The following FBXL2 variants were observed in gnomAD, a reference collection of about 807,000 sequenced individuals.
FBXL2 encodes the protein F-box/LRR-repeat protein 2.
A neutral mutation model predicts 69.2 loss-of-function variants in FBXL2; 38 were observed. The observed-to-expected ratio is 0.55, with a 90% CI of 0.42 to 0.72. FBXL2 has a LOEUF of 0.72. FBXL2 is among the 30% of genes least tolerant of loss of function. The pLI is 0.00. For synonymous variants in FBXL2, 192 were observed against 201.3 expected (o/e 0.95, Z 0.39); for missense variants, 354 against 520.3 (o/e 0.68, Z 3.11).
chr3:33,322,579 T>C (rs2038328697), intron 2 of FBXL2, among the ~76,000 whole-genome samples: 2 of 152,184 alleles, frequency 1.3e-5, no homozygotes, highest in South Asian at 4.1e-4. Context: ...CATGTACCAT[T>C]TTTATAAAGT....
chr3:33,409,233 T>C, the FBXL2 span: 1 of 1,613,604 alleles, frequency 6.2e-7, no homozygotes, highest in Non-Finnish European at 8.5e-7. Context: ...TTTACTACAT[T>C]ACCTCTGTGA....
downstream of FBXL2, chr3:33,390,429 T>C (rs1281555503): frequency 2.5e-5 from 39 of 1,585,812 alleles, no homozygotes; most frequent in Admixed American, 3.4e-5. Context: ...GCCTATTAAA[T>C]GGAAAACTCC....
At chr3:33,410,357 A>C in the FBXL2 span, among the ~76,000 whole-genome samples, 2 of 152,194 alleles carry the variant, frequency 1.3e-5, no homozygotes, top group Non-Finnish European at 2.9e-5. Flanking sequence ...ATGACAACAC[A>C]ACCTGATATG....
chr3:33,401,196 C>T (rs775696983), intron 12 of FBXL2, among the ~76,000 whole-genome samples: 8 of 152,054 alleles, frequency 5.3e-5, no homozygotes, highest in East Asian at 1.9e-4. Context: ...GACATGATGA[C>T]GAAATTAAGA....
At position 33,364,337 on chromosome 3, in the gene FBXL2, G is replaced by T. The variant is rs1010888729; in HGVS notation, c.196-288G>T. The T allele has an allele frequency of 3.7e-5, 15 of 404,218 alleles. No individual in the cohort carries two copies. The Admixed American group carries it at 5.5e-4, about 15-fold the overall frequency. 25.0% of individuals were successfully genotyped at this position (404,218 alleles called of 1,614,324 possible). ...CCTGGGTAGGGAGGGCCTAACCCCA[G>T]GGCTAAGGCTTTCAAAAGGCAGTGT... On this transcript the variant is annotated intron_variant, in intron 4 of 14. Coordinates refer to ENST00000484457, the MANE Select transcript of FBXL2 (RefSeq NM_012157.5).
At chr3:33,281,270 C>T (rs1575577851) in intron 1 of FBXL2, among the ~76,000 whole-genome samples, 1 of 152,114 alleles carries the variant, frequency 6.6e-6, no homozygotes, top group African/African-American at 2.4e-5. Context: ...GTTCAATTCC[C>T]ACCTATGAGT....
chr3:33,301,064 A>T lies in FBXL2; in HGVS notation c.65+3339A>T, dbSNP rs369897173. On this transcript the variant is annotated intron_variant, in intron 2 of 14. Transcript: ENST00000484457. ...AGGGTTTGAACCAGATTTCCTAAGC[A>T]TCCATCTTCATCATTAGTTAATTCC... Among the ~76,000 whole-genome samples, 15 of 152,272 alleles carry T rather than the reference A, an allele frequency of 9.9e-5. 1 individual carries two copies. The highest frequency in any genetic ancestry group is 3.4e-4 in the African/African-American group (14 of 41,544).
In FBXL2 at chr3:33,386,196, T is replaced by C. The variant is rs569280743; in HGVS notation, c.*588T>C. The C allele has an allele frequency of 6.3e-6, 1 of 159,168 alleles. No homozygotes were observed. Among genetic ancestry groups the C allele is most frequent in the East Asian group, 1.9e-4 (1 of 5,204 alleles). 9.9% of individuals were successfully genotyped at this position (159,168 alleles called of 1,614,324 possible). A position where few individuals can be genotyped will look rare whatever the true frequency, so the allele number is the denominator to read the frequency against. The stretch of plus-strand genomic sequence containing the variant: ...CATGAGACACCAAAGAAAAGAGGAC[T>C]CTATACTGGGTGGAGCAGGGTCTTC... On this transcript the variant is annotated 3_prime_UTR_variant, in exon 15 of 15. Coordinates refer to ENST00000484457, the MANE Select transcript of FBXL2 (RefSeq NM_012157.5).
downstream of FBXL2, among the ~76,000 whole-genome samples, chr3:33,405,031 A>G (rs1364399441): frequency 6.6e-6 from 1 of 152,226 alleles, no homozygotes; most frequent in African/African-American, 2.4e-5. Context: ...AGTTTTAAAT[A>G]TCTTGACTGA....
In FBXL2 at chr3:33,384,171, G is replaced by A; in HGVS notation, c.1134G>A (p.Gln378=). The change falls in exon 14 of 15, where the codon CAG becomes CAA. Residue 378 remains glutamine (Q), a synonymous_variant. Transcript: ENST00000484457. Reference sequence around the variant, plus strand: ...GCCTCGAGCTGTACGACTGCCAGCAGGTTACCCGTGCAGGCATCAAGCGGA... The same window carrying A: ...GCCTCGAGCTGTACGACTGCCAGCAAGTTACCCGTGCAGGCATCAAGCGGA... ...LERLELYDCQ[Q]VTRAGIKRMR... is the part of the protein sequence containing the mutation. 1 of 1,614,182 alleles carries A rather than the reference G, an allele frequency of 6.2e-7. No homozygotes were observed. Among genetic ancestry groups the A allele is most frequent in the Non-Finnish European group, 8.5e-7 (1 of 1,180,028 alleles).
downstream of FBXL2, among the ~76,000 whole-genome samples, chr3:33,407,856 G>A (rs2044468490): frequency 6.6e-6 from 1 of 152,226 alleles, no homozygotes; most frequent in African/African-American, 2.4e-5. Context: ...ATTCTTTAAT[G>A]TTCTGTGTTT....
intron 5 of FBXL2, among the ~76,000 whole-genome samples, chr3:33,364,967 G>C (rs1206842139): frequency 6.6e-6 from 1 of 152,168 alleles, no homozygotes; most frequent in South Asian, 2.1e-4. Context: ...CTTCTGCAAA[G>C]TCAGGGCAGC....
At chr3:33,395,750 GA>G (rs61654235) in intron 12 of FBXL2, among the ~76,000 whole-genome samples, 1,791 of 69,818 alleles carry the variant, frequency 0.026, 5 homozygotes, top group African/African-American at 0.066. Context: ...CAGGAAAATT[GA>G]AAAAAAAAAA....
intron 14 of FBXL2, among the ~76,000 whole-genome samples, chr3:33,384,879 T>C (rs1405441794): frequency 1.3e-5 from 2 of 151,882 alleles, no homozygotes; most frequent in Non-Finnish European, 2.9e-5. Flanking sequence ...CTACTAATAA[T>C]ATAAAAATTA....
At chr3:33,328,879 G>A (rs961434160) in intron 2 of FBXL2, among the ~76,000 whole-genome samples, 9 of 151,720 alleles carry the variant, frequency 5.9e-5, no homozygotes, top group African/African-American at 2.2e-4. Context: ...ATAGACAATT[G>A]GGATTACATC....
At chr3:33,308,115 A>G (rs186314786) in intron 2 of FBXL2, among the ~76,000 whole-genome samples, 335 of 152,246 alleles carry the variant, frequency 2.2e-3, no homozygotes, top group Non-Finnish European at 3.9e-3. Context: ...AGCTCAAGCA[A>G]TATTCCTGCC....
intron 1 of FBXL2, chr3:33,289,776 C>T (rs568870248): frequency 1.0e-6 from 1 of 984,944 alleles, no homozygotes; most frequent in African/African-American, 1.8e-5. Flanking sequence ...GGAAAGAGAG[C>T]TAAGAAGGGT....
chr3:33,394,817 G>T (rs201503905), intron 12 of FBXL2, among the ~76,000 whole-genome samples: 2,034 of 110,226 alleles, frequency 0.018, 20 homozygotes, highest in South Asian at 0.037. Context: ...CCCTCCACTT[G>T]TTTTTTTTTT....
At position 33,386,384 on chromosome 3, in the gene FBXL2, C is replaced by G. The variant is rs1371879258; in HGVS notation, c.*776C>G. On this transcript the variant is annotated 3_prime_UTR_variant, in exon 15 of 15. Coordinates refer to ENST00000484457, the MANE Select transcript of FBXL2 (RefSeq NM_012157.5). ...AAAAGCTAATTATGTCCATGCCTCT[C>G]GTAAAACTGGGGGGAACCTTAAAGA... is the stretch of plus-strand genomic sequence containing the variant. 2.0e-5 allele frequency: 3 copies of G among 151,984 alleles called. No homozygotes were observed. The highest frequency in any genetic ancestry group is 4.4e-5 in the Non-Finnish European group (3 of 68,012). 9.4% of individuals were successfully genotyped at this position (151,984 alleles called of 1,614,324 possible). A position where few individuals can be genotyped will look rare whatever the true frequency, so the allele number is the denominator to read the frequency against.
Sources: allele counts gnomAD v4.1 joint callset (sites outside exome capture counted in the v4.1 genomes callset), GRCh38; gene constraint gnomAD v4.1.1; transcripts MANE v1.5; gene names NCBI Gene and HGNC (gene_info 2026-07-23, HGNC 2026-07-21).